SLC8A1: variants seen among roughly 807,000 people sequenced by gnomAD.
SLC8A1 encodes the protein solute carrier family 8 member A1.
Under a neutral mutation model 68.3 loss-of-function variants are expected in SLC8A1, and 18 were observed. That is an observed-to-expected ratio of 0.26 (90% CI 0.18 to 0.39). The LOEUF is 0.39. Ranked by LOEUF, SLC8A1 falls within the 10% of genes least tolerant of loss-of-function variation. The pLI is 1.00. For missense variants in SLC8A1, 985 were observed against 1,156.7 expected (o/e 0.85, Z 2.15); for synonymous variants, 475 against 415.5 (o/e 1.14, Z -1.74).
intron 2 of SLC8A1, among the ~76,000 whole-genome samples, chr2:40,273,689 C>G (rs752267159): frequency 1.3e-5 from 2 of 152,130 alleles, no homozygotes; most frequent in African/African-American, 4.8e-5. Flanking sequence ...CAGCAATTAA[C>G]TAAAATAAGG....
At chr2:40,341,036 G>A (rs1485605847) in intron 2 of SLC8A1, among the ~76,000 whole-genome samples, 1 of 152,092 alleles carries the variant, frequency 6.6e-6, no homozygotes, top group East Asian at 1.9e-4. Flanking sequence ...TTGAAGGAAC[G>A]GATGCTTAAG....
In SLC8A1 at chr2:40,151,584, CA is replaced by C. The variant is rs201502002; in HGVS notation, c.2161+9180del. Reference sequence around the variant, plus strand: ...TAATAGAGCATAAGATATTTTAAGACAAAAATAGGACAAAAAATGTCTGAAG... The same window carrying C: ...TAATAGAGCATAAGATATTTTAAGACAAAATAGGACAAAAAATGTCTGAAG... On this transcript the variant is annotated intron_variant, in intron 6 of 7. Transcript: ENST00000406785. Among the ~76,000 whole-genome samples, 911 of 151,534 alleles carry C rather than the reference CA, an allele frequency of 6.0e-3. 8 individuals carry two copies. Among genetic ancestry groups the C allele is most frequent in the African/African-American group, 0.02 (838 of 41,348 alleles).
chr2:40,199,617 G>A (rs1340842960), intron 2 of SLC8A1, among the ~76,000 whole-genome samples: 1 of 151,658 alleles, frequency 6.6e-6, no homozygotes, highest in Non-Finnish European at 1.5e-5. Flanking sequence ...TAGGTATTAA[G>A]ATTCGGAAGC....
intron 1 of SLC8A1, among the ~76,000 whole-genome samples, chr2:40,476,372 G>C (rs1704298513): frequency 1.3e-5 from 2 of 152,066 alleles, no homozygotes; most frequent in South Asian, 4.2e-4. Context: ...ATTCATTTAG[G>C]GAGAGAGAAA....
At chr2:40,390,792 T>C (rs1685012094) in intron 2 of SLC8A1, among the ~76,000 whole-genome samples, 1 of 152,142 alleles carries the variant, frequency 6.6e-6, no homozygotes, top group Non-Finnish European at 1.5e-5. Flanking sequence ...CTGAACACTT[T>C]TGTCCAATCA....
At chr2:40,429,913 G>A in exon 2 of SLC8A1, 1 of 1,613,484 alleles carries the variant, frequency 6.2e-7, no homozygotes, top group Non-Finnish European at 8.5e-7. Context: ...AGTTGTCTTG[G>A]TGGTCTCTCC....
At chr2:40,289,642 G>A (rs2068933192) in intron 2 of SLC8A1, among the ~76,000 whole-genome samples, 1 of 152,028 alleles carries the variant, frequency 6.6e-6, no homozygotes, top group Non-Finnish European at 1.5e-5. Flanking sequence ...CTTGAGGTCA[G>A]GAGTTGGAGA....
chr2:40,166,011 G>C (rs1442905751), intron 4 of SLC8A1, among the ~76,000 whole-genome samples: 1 of 152,196 alleles, frequency 6.6e-6, no homozygotes, highest in African/African-American at 2.4e-5. Context: ...AAAGACCTCA[G>C]CCCTGATGGC....
chr2:40,185,419 T>C (rs1472805240), intron 2 of SLC8A1, among the ~76,000 whole-genome samples: 1 of 152,152 alleles, frequency 6.6e-6, no homozygotes, highest in East Asian at 1.9e-4. Flanking sequence ...TAAAAAGGAA[T>C]GATGTAGTGA....
At chr2:40,452,280 C>T (rs1050431429), upstream of SLC8A1, among the ~76,000 whole-genome samples, 2 of 151,680 alleles carry the variant, frequency 1.3e-5, no homozygotes, top group Non-Finnish European at 2.9e-5. Context: ...CCCCTGCGCG[C>T]CCCTTGGGCT....
At chr2:40,122,843 A>G (rs2037221595) in intron 7 of SLC8A1, among the ~76,000 whole-genome samples, 1 of 152,166 alleles carries the variant, frequency 6.6e-6, no homozygotes. Flanking sequence ...TCATTTTTGC[A>G]TGTTAACTTG....
chr2:40,477,685 T>G (rs1704373626), intron 1 of SLC8A1, among the ~76,000 whole-genome samples: 1 of 152,104 alleles, frequency 6.6e-6, no homozygotes, highest in African/African-American at 2.4e-5. Context: ...ACTACTGAAT[T>G]TAAATAAAGA....
At chr2:40,217,298 T>C (rs1177275155) in intron 2 of SLC8A1, among the ~76,000 whole-genome samples, 1 of 152,218 alleles carries the variant, frequency 6.6e-6, no homozygotes, top group Non-Finnish European at 1.5e-5. Context: ...CTGATGGTTG[T>C]AGATGTGTGG....
chr2:40,251,562 A>G (rs945597109), intron 2 of SLC8A1: 1 of 152,160 alleles, frequency 6.6e-6, no homozygotes, highest in Admixed American at 6.5e-5. Context: ...AGGCCTGTGC[A>G]TTGTCTCATG....
intron 2 of SLC8A1, among the ~76,000 whole-genome samples, chr2:40,420,757 T>C (rs1695275492): frequency 6.6e-6 from 1 of 152,154 alleles, no homozygotes; most frequent in Non-Finnish European, 1.5e-5. Flanking sequence ...GAGCATGTGT[T>C]GAGGTTACTG....
chr2:40,439,164 T>A (rs1700027369), intron 1 of SLC8A1, among the ~76,000 whole-genome samples: 2 of 151,932 alleles, frequency 1.3e-5, no homozygotes, highest in South Asian at 4.2e-4. Flanking sequence ...AAAGGGAGAT[T>A]AAAGCACTGG....
At chr2:40,481,136 T>A (rs62149449) in intron 1 of SLC8A1, among the ~76,000 whole-genome samples, 18 of 152,036 alleles carry the variant, frequency 1.2e-4, no homozygotes, top group African/African-American at 4.1e-4. Context: ...AGTGTGTGTG[T>A]GTATGTTTGT....
At chr2:40,101,800 C>T (rs2033907767) in exon 8 of SLC8A1, 1 of 151,972 alleles carries the variant, frequency 6.6e-6, no homozygotes, top group African/African-American at 2.4e-5. Flanking sequence ...GCATCAGAAC[C>T]ATCCTAGGGG....
intron 2 of SLC8A1, among the ~76,000 whole-genome samples, chr2:40,280,726 G>A (rs2067388662): frequency 6.6e-6 from 1 of 152,132 alleles, no homozygotes; most frequent in Non-Finnish European, 1.5e-5. Flanking sequence ...AGTAAAAAGA[G>A]ACAATGAATC....
Sources: allele counts gnomAD v4.1 joint callset (sites outside exome capture counted in the v4.1 genomes callset), GRCh38; gene constraint gnomAD v4.1.1; transcripts MANE v1.5; gene names NCBI Gene and HGNC (gene_info 2026-07-23, HGNC 2026-07-21).